The following RAD54L2 variants were observed in gnomAD, a reference collection of about 807,000 sequenced individuals.
RAD54L2 encodes the protein RAD54 like 2, also known as helicase ARIP4.
A neutral mutation model predicts 138.4 loss-of-function variants in RAD54L2; 27 were observed. The ratio of observed to expected loss-of-function variants is 0.20; its 90% CI spans 0.14 to 0.27. The LOEUF (loss-of-function observed/expected upper bound fraction) is 0.27. RAD54L2 is among the 10% of genes least tolerant of loss of function. RAD54L2 has a pLI of 1.00. For synonymous variants in RAD54L2, 644 were observed against 723.2 expected, an observed-to-expected ratio of 0.89 and a Z score of 1.76; for missense variants, 1,396 against 1,890.2, an observed-to-expected ratio of 0.74 and a Z score of 4.85.
intron 2 of RAD54L2, among the ~76,000 whole-genome samples, chr3:51,577,354 A>G (rs1197770727): frequency 6.6e-6 from 1 of 152,202 alleles, no homozygotes; most frequent in Non-Finnish European, 1.5e-5. Flanking sequence ...GTAGATGTCT[A>G]TTAAGTCTGC....
Position 51,633,600 on chromosome 3 carries a change from C to T in RAD54L2, c.849C>T (p.Tyr283=), listed in dbSNP as rs748238006. 82 of 1,613,742 alleles carry T rather than the reference C, an allele frequency of 5.1e-5. No individual in the cohort carries two copies. The highest frequency in any genetic ancestry group is 6.5e-5 in the Non-Finnish European group (77 of 1,179,786). The change falls in exon 8 of 23, where the codon TAC becomes TAT. Residue 283 remains tyrosine (Y), a synonymous_variant. Coordinates refer to ENST00000684192, the MANE Select transcript of RAD54L2 (RefSeq NM_015106.4). ...PHQIGGIRFL[Y]DNLVESLERF... ...AGATTGGCGGGATCCGGTTCCTTTA[C>T]GATAACCTAGTGGAGTCTCTGGAGA...
At chr3:51,628,170 T>C (rs1384190415) in intron 4 of RAD54L2, among the ~76,000 whole-genome samples, 1 of 152,154 alleles carries the variant, frequency 6.6e-6, no homozygotes, top group Non-Finnish European at 1.5e-5. Flanking sequence ...AAAGCAAGAC[T>C]CCTTCTAAGA....
chr3:51,610,657 A>AAAAC (rs1180965179), intron 3 of RAD54L2, among the ~76,000 whole-genome samples: 20 of 151,184 alleles, frequency 1.3e-4, no homozygotes, highest in African/African-American at 4.2e-4. Context: ...AAAAAAAAAA[A>AAAAC]CAGAAAGAAT....
intron 2 of RAD54L2, among the ~76,000 whole-genome samples, chr3:51,574,416 G>A (rs1442729903): frequency 2.0e-5 from 3 of 152,158 alleles, no homozygotes; most frequent in Non-Finnish European, 4.4e-5. Context: ...TTGAGGAATC[G>A]CCACACTGTC....
At chr3:51,555,812 C>A (rs886578712) in intron 2 of RAD54L2, among the ~76,000 whole-genome samples, 1 of 152,074 alleles carries the variant, frequency 6.6e-6, no homozygotes, top group African/African-American at 2.4e-5. Context: ...TCGTATTTAC[C>A]CCCAGACACA....
At chr3:51,604,037 C>T (rs1046132385) in intron 3 of RAD54L2, among the ~76,000 whole-genome samples, 3 of 152,058 alleles carry the variant, frequency 2.0e-5, no homozygotes, top group South Asian at 4.2e-4. Context: ...AAGTAAGAGG[C>T]GATGATAGCT....
At chr3:51,540,608 G>C (rs1361736899) in intron 1 of RAD54L2, among the ~76,000 whole-genome samples, 1 of 152,202 alleles carries the variant, frequency 6.6e-6, no homozygotes, top group Non-Finnish European at 1.5e-5. Flanking sequence ...TGAGTTTAGA[G>C]TGGTAGGAAA....
At chr3:51,572,924 C>T (rs1019552941) in intron 2 of RAD54L2, among the ~76,000 whole-genome samples, 4 of 152,094 alleles carry the variant, frequency 2.6e-5, no homozygotes, top group Non-Finnish European at 4.4e-5. Flanking sequence ...AGGTATGAGC[C>T]ACTGTGCCTG....
chr3:51,600,365 A>G (rs1700054278), intron 3 of RAD54L2, among the ~76,000 whole-genome samples: 1 of 152,240 alleles, frequency 6.6e-6, no homozygotes, highest in Admixed American at 6.5e-5. Flanking sequence ...CTATGATCTT[A>G]GCACTTTGGG....
chr3:51,645,361 A>C lies in RAD54L2; in HGVS notation c.2656+132A>C. The C allele has an allele frequency of 3.8e-6, 4 of 1,058,830 alleles. No individual in the cohort carries two copies. The highest frequency in any genetic ancestry group is 5.5e-6 in the Non-Finnish European group (4 of 732,644). The allele number at this position is 1,058,830 out of a possible 1,614,324, so 65.6% of individuals were successfully genotyped here. On this transcript the variant is annotated intron_variant, in intron 17 of 22. Coordinates refer to ENST00000684192, the MANE Select transcript of RAD54L2 (RefSeq NM_015106.4). The surrounding 1 kb of genome is among the most constrained non-coding windows in gnomAD (Gnocchi z 6.1). ...GAAAGCCAGCATTTCCTCCTATCTC[A>C]TTCTGATTCAAATTGCTTAAAAGGT...
rs1701920343 is a variant in RAD54L2, at chr3:51,666,758, C to T, written c.*3338C>T. On this transcript the variant is annotated 3_prime_UTR_variant, in exon 23 of 23. Transcript: ENST00000684192. The stretch of plus-strand genomic sequence containing the variant: ...GCTTTTTAGGCATCTATCTCATCAT[C>T]TCCTGATTTAAGGATAATTCTGTCT... 6.6e-6 allele frequency: 1 copy of T among 152,172 alleles called. No homozygotes were observed. Among genetic ancestry groups the T allele is most frequent in the Admixed American group, 6.5e-5 (1 of 15,284 alleles). The allele number at this position is 152,172 out of a possible 1,614,324, so 9.4% of individuals were successfully genotyped here. A position where few individuals can be genotyped will look rare whatever the true frequency, so the allele number is the denominator to read the frequency against.
intron 21 of RAD54L2, among the ~76,000 whole-genome samples, chr3:51,658,586 T>C (rs1294109101): frequency 6.6e-6 from 1 of 152,248 alleles, no homozygotes; most frequent in Non-Finnish European, 1.5e-5. Flanking sequence ...AAGCCTGTTT[T>C]ACATATTAGC....
Position 51,606,447 on chromosome 3 carries a change from G to T in RAD54L2, c.139+15888G>T, listed in dbSNP as rs139593687. On this transcript the variant is annotated intron_variant, in intron 3 of 22. Coordinates refer to ENST00000684192, the MANE Select transcript of RAD54L2 (RefSeq NM_015106.4). ...TGGACATGAGAAAAGGCAAGGATGA[G>T]ATTTTTTTTCCTTGATGGTGACATT... is the stretch of plus-strand genomic sequence containing the variant. Among the ~76,000 whole-genome samples, 14 of 152,246 alleles carry T rather than the reference G, an allele frequency of 9.2e-5. No individual in the cohort carries two copies. The East Asian group carries it at 2.3e-3, about 25-fold the overall frequency.
intron 12 of RAD54L2, chr3:51,639,207 A>C: frequency 3.4e-6 from 2 of 582,326 alleles, no homozygotes; most frequent in South Asian, 4.5e-5. Flanking sequence ...CCTGGTATGC[A>C]TGCTGCCATT....
At chr3:51,589,496 T>G (rs1276343061) in intron 2 of RAD54L2, among the ~76,000 whole-genome samples, 2 of 152,172 alleles carry the variant, frequency 1.3e-5, no homozygotes, top group Admixed American at 6.5e-5. Context: ...CATGATAGCA[T>G]GGTGGACTGG....
chr3:51,590,390 C>T lies in RAD54L2; in HGVS notation c.-31C>T, dbSNP rs759844541. The T allele has an allele frequency of 2.9e-5, 44 of 1,494,296 alleles. 1 individual carries two copies. Among genetic ancestry groups the T allele is most frequent in the South Asian group, 2.0e-4 (15 of 74,132 alleles). 92.6% of individuals were successfully genotyped at this position (1,494,296 alleles called of 1,614,324 possible). A position where few individuals can be genotyped will look rare whatever the true frequency, so the allele number is the denominator to read the frequency against. ...AGCACCCCTGCAGTGGACCATGAGT[C>T]GGTAATGCCCACTGAGGACCTCTGG... On this transcript the variant is annotated 5_prime_UTR_variant, in exon 3 of 23. Transcript: ENST00000684192.
intron 3 of RAD54L2, among the ~76,000 whole-genome samples, chr3:51,610,547 A>G (rs530341382): frequency 1.8e-4 from 28 of 151,522 alleles, no homozygotes; most frequent in African/African-American, 6.8e-4. Flanking sequence ...TGCAGTAAGC[A>G]GAGAATTGCT....
intron 2 of RAD54L2, among the ~76,000 whole-genome samples, chr3:51,545,778 A>T (rs1007180950): frequency 6.6e-6 from 1 of 151,560 alleles, no homozygotes; most frequent in Non-Finnish European, 1.5e-5. Flanking sequence ...CAGGGGTCCC[A>T]CTATGTTGCG....
chr3:51,578,967 T>C (rs1699545692), intron 2 of RAD54L2, among the ~76,000 whole-genome samples: 2 of 152,074 alleles, frequency 1.3e-5, no homozygotes, highest in Non-Finnish European at 2.9e-5. Flanking sequence ...TGAAAGTGGC[T>C]CTCAGCCAGA....
Sources: allele counts gnomAD v4.1 joint callset (sites outside exome capture counted in the v4.1 genomes callset), GRCh38; gene constraint gnomAD v4.1.1; non-coding constraint Gnocchi (gnomAD v3.1); transcripts MANE v1.5; gene names NCBI Gene and HGNC (gene_info 2026-07-23, HGNC 2026-07-21).